Variants in RCAN1 observed in about 807,000 individuals in gnomAD.
The protein encoded by RCAN1 is calcipressin-1.
RCAN1 carries 11 observed loss-of-function variants against 22.9 expected under a neutral mutation model. The observed-to-expected ratio is 0.48, with a 90% CI of 0.30 to 0.79. The LOEUF is 0.79. Among genes scored for constraint, RCAN1 ranks in the 30% least tolerant of loss-of-function variants. The pLI is 0.06. For missense variants in RCAN1, 291 were observed against 337.8 expected, an observed-to-expected ratio of 0.86 and a Z score of 1.09; for synonymous variants, 136 against 142.3, an observed-to-expected ratio of 0.96 and a Z score of 0.32.
chr21:34,518,013 A>T lies in RCAN1; in HGVS notation c.*71T>A. On this transcript the variant is annotated 3_prime_UTR_variant, in exon 4 of 4. Coordinates refer to ENST00000313806, the MANE Select transcript of RCAN1 (RefSeq NM_004414.7). This position sits in a 1 kb window ranked among gnomAD's most constrained non-coding sequence, Gnocchi z 4.2. ...GGCTGCCACCTCCGAAGAAGTCGTGACCAGCCACCTCCACAGTAAAAGATT... is the reference window on the plus strand; with the variant it reads ...GGCTGCCACCTCCGAAGAAGTCGTGTCCAGCCACCTCCACAGTAAAAGATT... 6.4e-7 allele frequency: 1 copy of T among 1,572,894 alleles called. No individual in the cohort carries two copies. The highest frequency in any genetic ancestry group is 8.7e-7 in the Non-Finnish European group (1 of 1,154,296).
chr21:34,587,163 T>C (rs1987828510), intron 1 of RCAN1, among the ~76,000 whole-genome samples: 1 of 152,170 alleles, frequency 6.6e-6, no homozygotes, highest in African/African-American at 2.4e-5. Context: ...TTAGAAAGCC[T>C]ATATAAATAT....
At chr21:34,606,770 C>T (rs1988539339) in intron 1 of RCAN1, among the ~76,000 whole-genome samples, 1 of 152,064 alleles carries the variant, frequency 6.6e-6, no homozygotes, top group South Asian at 2.1e-4. Context: ...GAGGAAAGAC[C>T]ACGTAGGGAC....
intron 1 of RCAN1, among the ~76,000 whole-genome samples, chr21:34,595,695 G>C (rs1327107075): frequency 6.6e-6 from 1 of 152,244 alleles, no homozygotes; most frequent in Non-Finnish European, 1.5e-5. Flanking sequence ...ACTGGCAGCA[G>C]ATTCAGGCAT....
intron 1 of RCAN1, among the ~76,000 whole-genome samples, chr21:34,584,754 T>G (rs1271196837): frequency 6.6e-6 from 1 of 152,196 alleles, no homozygotes; most frequent in Non-Finnish European, 1.5e-5. Flanking sequence ...TGTACCTGCT[T>G]GCCTGGTGAC....
rs561561665 is a variant in RCAN1 at position 34,571,391 on chromosome 21, A to T, written c.252+43369T>A. Among the ~76,000 whole-genome samples the T allele has an allele frequency of 8.5e-5, 13 of 152,368 alleles. No individual in the cohort carries two copies. In the South Asian group the frequency reaches 2.7e-3, roughly 32 times the overall value. On this transcript the variant is annotated intron_variant, in intron 1 of 3. Coordinates refer to ENST00000313806, the MANE Select transcript of RCAN1 (RefSeq NM_004414.7). The stretch of plus-strand genomic sequence containing the variant: ...ATACTTGCAAAATTATCCTGAAAAA[A>T]AGTTACCACTTAAAATCAATTAAAT...
At chr21:34,519,161 G>A (rs184965069) in intron 3 of RCAN1, among the ~76,000 whole-genome samples, 3 of 152,242 alleles carry the variant, frequency 2.0e-5, no homozygotes, top group Admixed American at 6.5e-5. Flanking sequence ...GTGAGTGCCC[G>A]AGGCAATGAG....
At chr21:34,532,355 GTT>G (rs1328712673) in intron 1 of RCAN1, among the ~76,000 whole-genome samples, 3 of 152,166 alleles carry the variant, frequency 2.0e-5, no homozygotes, top group Admixed American at 1.3e-4. Context: ...AGCAAAAAAT[GTT>G]TGTCACCCCA....
chr21:34,527,942 T>G (rs1985168812), intron 1 of RCAN1, among the ~76,000 whole-genome samples: 1 of 152,172 alleles, frequency 6.6e-6, no homozygotes, highest in African/African-American at 2.4e-5. Context: ...ATGCCTGGTT[T>G]GGAGAAGTGC....
intron 1 of RCAN1, among the ~76,000 whole-genome samples, chr21:34,563,022 C>G (rs904493350): frequency 6.6e-6 from 1 of 152,154 alleles, no homozygotes; most frequent in Non-Finnish European, 1.5e-5. Flanking sequence ...ATAAACAAAC[C>G]TTTTAACTTC....
intron 1 of RCAN1, among the ~76,000 whole-genome samples, chr21:34,583,715 C>A (rs1231315410): frequency 6.6e-6 from 1 of 152,088 alleles, no homozygotes; most frequent in Non-Finnish European, 1.5e-5. Flanking sequence ...TCGTTTAAGC[C>A]CCCAATCTGT....
chr21:34,544,743 T>G (rs187125756), intron 1 of RCAN1, among the ~76,000 whole-genome samples: 2 of 152,138 alleles, frequency 1.3e-5, no homozygotes, highest in East Asian at 3.9e-4. Context: ...GTCCCCAAGA[T>G]AGAAAGTAAA....
chr21:34,519,394 T>C (rs1375637198), intron 3 of RCAN1, among the ~76,000 whole-genome samples: 2 of 118,522 alleles, frequency 1.7e-5, no homozygotes, highest in Non-Finnish European at 3.6e-5. Flanking sequence ...TCTTTCTTTC[T>C]TTCTTTTTTT....
At chr21:34,584,879 G>A (rs905367383) in intron 1 of RCAN1, among the ~76,000 whole-genome samples, 6 of 152,050 alleles carry the variant, frequency 3.9e-5, no homozygotes, top group Admixed American at 1.3e-4. Context: ...CTAACCACCC[G>A]TCCTTAATCG....
At chr21:34,608,598 C>G (rs1988602087) in intron 1 of RCAN1, among the ~76,000 whole-genome samples, 2 of 152,206 alleles carry the variant, frequency 1.3e-5, no homozygotes, top group Non-Finnish European at 2.9e-5. Flanking sequence ...TATTTTATTG[C>G]AGCCTTGGGA....
chr21:34,572,962 C>G (rs902061884), intron 1 of RCAN1, among the ~76,000 whole-genome samples: 1 of 151,850 alleles, frequency 6.6e-6, no homozygotes, highest in Non-Finnish European at 1.5e-5. Context: ...GATCCAGTCA[C>G]CTCCCACCAG....
intron 1 of RCAN1, among the ~76,000 whole-genome samples, chr21:34,536,246 T>C (rs1466931551): frequency 6.6e-6 from 1 of 152,238 alleles, no homozygotes; most frequent in East Asian, 1.9e-4. Flanking sequence ...ATTTGGAGAT[T>C]ACTGGGGCCA....
In RCAN1 at chr21:34,605,274, C is replaced by T. The variant is rs974538127; in HGVS notation, c.252+9486G>A. Among the ~76,000 whole-genome samples, 2 of 152,344 alleles carry T rather than the reference C, an allele frequency of 1.3e-5. 1 individual carries two copies. The highest frequency in any genetic ancestry group is 4.1e-4 in the South Asian group (2 of 4,832). On this transcript the variant is annotated intron_variant, in intron 1 of 3. Transcript: ENST00000313806. The stretch of plus-strand genomic sequence containing the variant: ...TTTCTCCTGCGCTGGATGCTTCCTG[C>T]TCTCAAACATTAGACTCCAGGTTCT...
chr21:34,544,847 C>T (rs1035046906), intron 1 of RCAN1, among the ~76,000 whole-genome samples: 2 of 152,142 alleles, frequency 1.3e-5, no homozygotes, highest in African/African-American at 2.4e-5. Flanking sequence ...AACAGCAGTG[C>T]GAGGGACGCA....
rs555883994 is a variant in RCAN1 at position 34,530,628 on chromosome 21, T to G, written c.253-6918A>C. On this transcript the variant is annotated intron_variant, in intron 1 of 3. Transcript: ENST00000313806. ...AGATAGTGAAATAGTTTTTTTTTTTTTTTTTTTTTTTTTTTGAGACAGTTT... is the reference window on the plus strand; with the variant it reads ...AGATAGTGAAATAGTTTTTTTTTTTGTTTTTTTTTTTTTTTGAGACAGTTT... Among the ~76,000 whole-genome samples the G allele has an allele frequency of 4.4e-3, 606 of 136,672 alleles. 7 individuals carry two copies. Among genetic ancestry groups the G allele is most frequent in the African/African-American group, 0.014 (511 of 35,298 alleles). 89.7% of individuals were successfully genotyped at this position (136,672 alleles called of 152,430 possible). A position where few individuals can be genotyped will look rare whatever the true frequency, so the allele number is the denominator to read the frequency against.
Sources: gnomAD v4.1 joint callset for allele counts (sites outside exome capture counted in the v4.1 genomes callset) on GRCh38, gnomAD v4.1.1 for gene constraint, Gnocchi (gnomAD v3.1) non-coding constraint, MANE v1.5 for transcripts, NCBI Gene and HGNC (gene_info 2026-07-23, HGNC 2026-07-21) for gene names.